ITPR2: variants seen among roughly 807,000 people sequenced by gnomAD.
ITPR2 encodes inositol 1,4,5-trisphosphate-gated calcium channel ITPR2.
In ITPR2, 207 loss-of-function variants were observed where a neutral mutation model predicts 317.1. The observed-to-expected ratio is 0.65, with a 90% CI of 0.58 to 0.73. ITPR2 has a LOEUF of 0.73. Ranked by LOEUF, ITPR2 falls within the 30% of genes least tolerant of loss-of-function variation. ITPR2 has a pLI of 0.00. For missense variants in ITPR2, 2,613 were observed against 3,284.0 expected, an observed-to-expected ratio of 0.80 and a Z score of 4.99; for synonymous variants, 1,156 against 1,149.1, an observed-to-expected ratio of 1.01 and a Z score of -0.12.
At chr12:26,471,881 C>T (rs1942298331) in intron 45 of ITPR2, among the ~76,000 whole-genome samples, 1 of 152,224 alleles carries the variant, frequency 6.6e-6, no homozygotes, top group Non-Finnish European at 1.5e-5. Context: ...TATAGCACAG[C>T]CACATGGCCA....
chr12:26,744,602 G>A (rs1241341552), intron 2 of ITPR2, among the ~76,000 whole-genome samples: 1 of 152,148 alleles, frequency 6.6e-6, no homozygotes, highest in African/African-American at 2.4e-5. Context: ...AATGAACACA[G>A]ACATGAACAT....
chr12:26,662,041 G>C (rs937275445), intron 15 of ITPR2, among the ~76,000 whole-genome samples: 6 of 152,072 alleles, frequency 3.9e-5, no homozygotes, highest in African/African-American at 1.4e-4. Context: ...CAATATTTAA[G>C]GATTTGTTTA....
chr12:26,496,785 T>C (rs1458085414), intron 37 of ITPR2, among the ~76,000 whole-genome samples: 1 of 151,600 alleles, frequency 6.6e-6, no homozygotes, highest in African/African-American at 2.4e-5. Flanking sequence ...GTACTAAAAA[T>C]ACGAAAAAAT....
chr12:26,534,696 A>G (rs1242551892), intron 37 of ITPR2, among the ~76,000 whole-genome samples: 1 of 152,238 alleles, frequency 6.6e-6, no homozygotes, highest in African/African-American at 2.4e-5. Flanking sequence ...AGATTTAAGG[A>G]ATATCGAACA....
In ITPR2 at chr12:26,516,295, A is replaced by AGGAAAGGAAG. The variant is rs1943507023; in HGVS notation, c.5074-21036_5074-21035insCTTCCTTTCC. On this transcript the variant is annotated intron_variant, in intron 37 of 56. Coordinates refer to ENST00000381340, the MANE Select transcript of ITPR2 (RefSeq NM_002223.4). The stretch of plus-strand genomic sequence containing the variant: ...AGGAAGGGAAGGGAAGGGAAAGGAA[A>AGGAAAGGAAG]GGAAAGGAAAGGAAAGGAAAGGAAA... Among the ~76,000 whole-genome samples, 8 of 52,550 alleles carry AGGAAAGGAAG rather than the reference A, an allele frequency of 1.5e-4. 1 individual carries two copies. In the South Asian group the frequency reaches 2.7e-3, roughly 17 times the overall value. The allele number at this position is 52,550 out of a possible 152,430, so 34.5% of individuals were successfully genotyped here.
chr12:26,682,283 G>C (rs957453725), intron 12 of ITPR2, among the ~76,000 whole-genome samples: 1 of 152,002 alleles, frequency 6.6e-6, no homozygotes, highest in Non-Finnish European at 1.5e-5. Flanking sequence ...CTTCAGTTTC[G>C]ACAGAGTAGA....
intron 34 of ITPR2, among the ~76,000 whole-genome samples, chr12:26,571,634 C>T (rs544744010): frequency 2.0e-5 from 3 of 152,228 alleles, no homozygotes; most frequent in Non-Finnish European, 4.4e-5. Flanking sequence ...GCCGCTAGCA[C>T]GTCAGTGCAG....
Position 26,833,056 on chromosome 12 carries a change from A to G in ITPR2, c.-275T>C, listed in dbSNP as rs546125971. ...CCGCAGCCGCCGCCGCCTCCCCGGC[A>G]GGTTTCCTGTTCCTTTCTGAAGTTT... is the stretch of plus-strand genomic sequence containing the variant. On this transcript the variant is annotated 5_prime_UTR_variant, in exon 1 of 57. Transcript: ENST00000381340. The G allele has an allele frequency of 1.4e-5, 6 of 440,778 alleles. No individual in the cohort carries two copies. The Admixed American group carries it at 2.9e-4, about 21-fold the overall frequency. 27.3% of individuals were successfully genotyped at this position (440,778 alleles called of 1,614,324 possible).
chr12:26,437,222 T>TA lies in ITPR2; in HGVS notation c.6644-877dup, dbSNP rs371839072. ...TAGGCCTTGTCCATTCTCTAACTTT[T>TA]AAAAACTTAACACCAGGATTAAAAA... On this transcript the variant is annotated intron_variant, in intron 47 of 56. Coordinates refer to ENST00000381340, the MANE Select transcript of ITPR2 (RefSeq NM_002223.4). Among the ~76,000 whole-genome samples the TA allele has an allele frequency of 5.5e-3, 832 of 152,318 alleles. 7 individuals are homozygous for TA. Among genetic ancestry groups the TA allele is most frequent in the African/African-American group, 0.017 (692 of 41,580 alleles).
At chr12:26,450,429 C>A (rs111934435) in intron 45 of ITPR2, among the ~76,000 whole-genome samples, 2 of 123,190 alleles carry the variant, frequency 1.6e-5, no homozygotes, top group Admixed American at 1.7e-4. Flanking sequence ...GGGTTCCTTG[C>A]AGTACTGTGA....
At chr12:26,661,398 G>C (rs1443368845) in intron 15 of ITPR2, among the ~76,000 whole-genome samples, 1 of 151,852 alleles carries the variant, frequency 6.6e-6, no homozygotes, top group African/African-American at 2.4e-5. Context: ...AGAACCATGT[G>C]TGCCAGACCT....
intron 2 of ITPR2, among the ~76,000 whole-genome samples, chr12:26,766,421 T>C (rs1232203297): frequency 6.6e-6 from 1 of 152,216 alleles, no homozygotes; most frequent in African/African-American, 2.4e-5. Flanking sequence ...TTACGTATTT[T>C]TTTGAGAAAT....
At chr12:26,637,940 T>TG (rs1474670245) in intron 21 of ITPR2, among the ~76,000 whole-genome samples, 8 of 152,302 alleles carry the variant, frequency 5.3e-5, no homozygotes, top group African/African-American at 1.9e-4. Context: ...AGTGTATTAA[T>TG]AGACTGCTTA....
At chr12:26,654,345 C>A (rs1431880724) in intron 20 of ITPR2, among the ~76,000 whole-genome samples, 3 of 152,224 alleles carry the variant, frequency 2.0e-5, no homozygotes, top group Non-Finnish European at 4.4e-5. Context: ...ACTCAGAGTG[C>A]TTTAAGGTAC....
At chr12:26,415,189 A>G (rs1431609225) in intron 51 of ITPR2, 114 bp downstream of exon 51, 1 of 696,880 alleles carries the variant, frequency 1.4e-6, no homozygotes, top group East Asian at 2.7e-5. Flanking sequence ...CATATTCTCA[A>G]AGGAATAAAA....
intron 37 of ITPR2, among the ~76,000 whole-genome samples, chr12:26,540,289 G>A (rs1285679177): frequency 1.3e-5 from 2 of 152,206 alleles, no homozygotes; most frequent in Admixed American, 6.5e-5. Flanking sequence ...GATAAGTGCT[G>A]AAATGATTAC....
At chr12:26,417,218 A>G (rs991564641) in intron 50 of ITPR2, among the ~76,000 whole-genome samples, 19 of 152,190 alleles carry the variant, frequency 1.2e-4, no homozygotes, top group Non-Finnish European at 2.8e-4. Context: ...ATCAAAATGG[A>G]CTATATCCTT....
At chr12:26,654,462 A>G (rs920974941) in intron 20 of ITPR2, among the ~76,000 whole-genome samples, 20 of 152,354 alleles carry the variant, frequency 1.3e-4, no homozygotes, top group Admixed American at 1.3e-4. Flanking sequence ...TTACCTTAAT[A>G]AATGGCTATT....
At chr12:26,787,197 T>C (rs1191824447) in intron 2 of ITPR2, among the ~76,000 whole-genome samples, 1 of 152,178 alleles carries the variant, frequency 6.6e-6, no homozygotes, top group African/African-American at 2.4e-5. Flanking sequence ...GCATAAACAA[T>C]GCATCATGGG....
Sources: allele counts gnomAD v4.1 joint callset (sites outside exome capture counted in the v4.1 genomes callset), GRCh38; gene constraint gnomAD v4.1.1; transcripts MANE v1.5; gene names NCBI Gene and HGNC (gene_info 2026-07-23, HGNC 2026-07-21).